MIAT: variants seen among roughly 807,000 people sequenced by gnomAD.
MIAT encodes the protein MI related novel mRNA.
exon 5 of MIAT, chr22:26,675,818 CA>C: frequency 2.5e-6 from 1 of 398,638 alleles, no homozygotes; most frequent in Non-Finnish European, 4.4e-6. Flanking sequence ...AGTAAGCTTG[CA>C]AGAGCTGATC....
exon 5 of MIAT, chr22:26,675,684 T>A: frequency 2.5e-6 from 1 of 398,572 alleles, no homozygotes; most frequent in Non-Finnish European, 4.4e-6. Flanking sequence ...CATCCCATGG[T>A]GGTGGGAAGT....
chr22:26,663,957 TC>T (rs1242806818), intron 3 of MIAT, among the ~76,000 whole-genome samples: 84 of 49,476 alleles, frequency 1.7e-3, no homozygotes, highest in African/African-American at 4.4e-3. Context: ...TAGATTGGAT[TC>T]TTTTTTTTTT....
exon 6 of MIAT, chr22:26,669,154 A>T (rs6005121): frequency 2.5e-6 from 1 of 398,566 alleles, no homozygotes; most frequent in East Asian, 3.6e-5. Flanking sequence ...CCTCCAGAGG[A>T]GACAGTCCCA....
intron 2 of MIAT, among the ~76,000 whole-genome samples, chr22:26,661,588 G>A (rs1711548384): frequency 6.6e-6 from 1 of 152,108 alleles, no homozygotes; most frequent in Admixed American, 6.6e-5. Context: ...GGCATTGCAG[G>A]TGGGAAACAG....
intron 3 of MIAT, among the ~76,000 whole-genome samples, chr22:26,664,073 G>A (rs947114210): frequency 6.8e-6 from 1 of 146,910 alleles, no homozygotes; most frequent in Non-Finnish European, 1.5e-5. Context: ...GTGCAGTGGA[G>A]CCATCTCGGC....
exon 5 of MIAT, chr22:26,676,414 C>A (rs1229291942): frequency 7.5e-6 from 3 of 398,516 alleles, no homozygotes; most frequent in Non-Finnish European, 1.3e-5. Context: ...TTGTTTTCAT[C>A]CATGAATGTA....
At chr22:26,659,177 G>C (rs1040497542) in intron 2 of MIAT, among the ~76,000 whole-genome samples, 2 of 152,126 alleles carry the variant, frequency 1.3e-5, no homozygotes, top group African/African-American at 4.8e-5. Context: ...CAGATGCTTG[G>C]TTGAGGGAAG....
chr22:26,656,839 C>CGG lies in MIAT; in HGVS notation n.647-6471_647-6470dup, dbSNP rs151057042. On this transcript the variant is annotated intron_variant and non_coding_transcript_variant, in intron 2 of 5. Coordinates refer to ENST00000643270, the Ensembl canonical transcript of MIAT. ...GGAGGACTGCTTGAACCCAGGAGTT[C>CGG]GGGGGGGTGCGGTGAGCTATGATTG... is the stretch of plus-strand genomic sequence containing the variant. Among the ~76,000 whole-genome samples, 713 of 152,046 alleles carry CGG rather than the reference C, an allele frequency of 4.7e-3. 7 individuals carry two copies. The highest frequency in any genetic ancestry group is 0.016 in the African/African-American group (648 of 41,454).
intron 2 of MIAT, among the ~76,000 whole-genome samples, chr22:26,656,617 C>T (rs1249121365): frequency 6.6e-6 from 1 of 152,180 alleles, no homozygotes; most frequent in Non-Finnish European, 1.5e-5. Context: ...CGCGCCTGGC[C>T]TCGAATTGGA....
At chr22:26,651,734 A>G (rs931705769) in intron 2 of MIAT, among the ~76,000 whole-genome samples, 3 of 152,244 alleles carry the variant, frequency 2.0e-5, no homozygotes, top group Non-Finnish European at 2.9e-5. Context: ...GTGCTGAGCC[A>G]TGCTACAATG....
exon 6 of MIAT, chr22:26,668,604 G>T (rs1930936152): frequency 2.5e-6 from 1 of 398,882 alleles, no homozygotes; most frequent in Non-Finnish European, 4.4e-6. Flanking sequence ...GGTCTCAAAG[G>T]ACCCTACAGG....
downstream of MIAT, chr22:26,670,618 A>AG: frequency 2.5e-6 from 1 of 395,198 alleles, no homozygotes; most frequent in Admixed American, 4.4e-5. Flanking sequence ...AAAAAAAAAA[A>AG]AAAAAAAAGC....
Position 26,657,804 on chromosome 22 carries a change from G to T in MIAT, n.647-5512G>T, listed in dbSNP as rs183564910. On this transcript the variant is annotated intron_variant and non_coding_transcript_variant, in intron 2 of 5. Coordinates refer to ENST00000643270, the Ensembl canonical transcript of MIAT. ...GATGCAACGCCGCCTGAAGTGTCCC[G>T]CATTGGATGGATGAAGAGGCTTTAC... The T allele has an allele frequency of 1.5e-5, 6 of 397,718 alleles. No homozygotes were observed. The Admixed American group carries it at 2.2e-4, about 15-fold the overall frequency. The allele number at this position is 397,718 out of a possible 1,614,324, so 24.6% of individuals were successfully genotyped here. A position where few individuals can be genotyped will look rare whatever the true frequency, so the allele number is the denominator to read the frequency against.
At chr22:26,657,787 G>A in intron 2 of MIAT, 1 of 397,782 alleles carries the variant, frequency 2.5e-6, no homozygotes, top group Admixed American at 4.4e-5. Flanking sequence ...GGGATGCAAC[G>A]CCGCCTGAAG....
At chr22:26,668,976 C>T (rs1930952830) in exon 6 of MIAT, 1 of 398,474 alleles carries the variant, frequency 2.5e-6, no homozygotes, top group Non-Finnish European at 4.4e-6. Flanking sequence ...TTTTTTCCTG[C>T]CATCCAAAGG....
downstream of MIAT, chr22:26,671,055 G>C: frequency 2.5e-6 from 1 of 398,530 alleles, no homozygotes; most frequent in Non-Finnish European, 4.4e-6. Flanking sequence ...ACTAAGCACG[G>C]TTGTCAGATC....
At chr22:26,666,997 G>A (rs1930870508) in intron 4 of MIAT, 1 of 398,446 alleles carries the variant, frequency 2.5e-6, no homozygotes, top group African/African-American at 2.1e-5. Flanking sequence ...TTGGTTTCAT[G>A]GGGGTAGGTT....
intron 2 of MIAT, chr22:26,658,150 A>AC (rs11415195): frequency 0.63 from 75,350 of 120,338 alleles, 24,151 homozygotes; most frequent in African/African-American, 0.69. Flanking sequence ...CCCCGACCCA[A>AC]CCCCCCGAGC....
chr22:26,657,468 C>T, intron 2 of MIAT: 1 of 398,732 alleles, frequency 2.5e-6, no homozygotes, highest in Non-Finnish European at 4.4e-6. Flanking sequence ...ATTAAAATTT[C>T]ATGGGCGCTG....
Sources: allele counts gnomAD v4.1 joint callset (sites outside exome capture counted in the v4.1 genomes callset), GRCh38; gene constraint gnomAD v4.1.1; transcripts MANE v1.5; gene names NCBI Gene and HGNC (gene_info 2026-07-23, HGNC 2026-07-21).